Variants in SLIT2 observed in about 807,000 individuals in gnomAD.
SLIT2 encodes slit guidance ligand 2.
A neutral mutation model predicts 185.7 loss-of-function variants in SLIT2; 41 were observed. The observed-to-expected ratio is 0.22, with a 90% CI of 0.17 to 0.29. The LOEUF (loss-of-function observed/expected upper bound fraction) is 0.29. SLIT2 is among the 10% of genes least tolerant of loss of function. The pLI, the probability that SLIT2 is intolerant of heterozygous loss-of-function variation, is 1.00. For missense variants in SLIT2, 1,571 were observed against 1,909.0 expected, an observed-to-expected ratio of 0.82 and a Z score of 3.30; for synonymous variants, 693 against 680.2, an observed-to-expected ratio of 1.02 and a Z score of -0.29.
At chr4:20,329,415 T>C (rs929447520) in intron 4 of SLIT2, among the ~76,000 whole-genome samples, 3 of 152,042 alleles carry the variant, frequency 2.0e-5, no homozygotes, top group Non-Finnish European at 4.4e-5. Flanking sequence ...TCTAAATACC[T>C]CATTCTTATT....
chr4:20,430,964 C>A (rs966257686), intron 4 of SLIT2, among the ~76,000 whole-genome samples: 13 of 152,184 alleles, frequency 8.5e-5, no homozygotes, highest in Non-Finnish European at 1.6e-4. Flanking sequence ...AGAAGAAACC[C>A]AACTTTCTGT....
At chr4:20,266,867 A>G (rs1713084296) in intron 3 of SLIT2, among the ~76,000 whole-genome samples, 1 of 152,048 alleles carries the variant, frequency 6.6e-6, no homozygotes, top group Non-Finnish European at 1.5e-5. Context: ...GATGTAAGAA[A>G]GCACCATTTG....
chr4:20,354,217 C>CT (rs201437147), intron 4 of SLIT2, among the ~76,000 whole-genome samples: 8,560 of 144,074 alleles, frequency 0.059, 518 homozygotes, highest in African/African-American at 0.15. Flanking sequence ...GGTTTTTTTT[C>CT]TTTTTTTTTT....
intron 4 of SLIT2, among the ~76,000 whole-genome samples, chr4:20,356,614 C>T (rs1722343808): frequency 6.6e-6 from 1 of 152,124 alleles, no homozygotes; most frequent in Admixed American, 6.5e-5. Context: ...CTTATTTCTC[C>T]AGTATTTCTC....
intron 4 of SLIT2, among the ~76,000 whole-genome samples, chr4:20,329,992 A>G (rs1403636988): frequency 6.6e-6 from 1 of 150,674 alleles, no homozygotes; most frequent in Non-Finnish European, 1.5e-5. Context: ...ATCATTTTTT[A>G]TTTTCTTCTT....
intron 20 of SLIT2, among the ~76,000 whole-genome samples, chr4:20,542,173 C>T (rs549699093): frequency 4.8e-4 from 73 of 152,104 alleles, no homozygotes; most frequent in African/African-American, 1.4e-3. Context: ...GTTTCCGTGC[C>T]GTTTCTCTGT....
rs552842164 is a variant in SLIT2, at chr4:20,293,276, G to T, written c.395+24395G>T. ...TGTGATTAAGATCATGCCCTGGGAAGATTATGACTATGAATTGAAAGAAAC... is the reference window on the plus strand; with the variant it reads ...TGTGATTAAGATCATGCCCTGGGAATATTATGACTATGAATTGAAAGAAAC... On this transcript the variant is annotated intron_variant, in intron 4 of 36. Transcript: ENST00000504154. Among the ~76,000 whole-genome samples, 16 of 152,316 alleles carry T rather than the reference G, an allele frequency of 1.1e-4. No individual in the cohort carries two copies. The South Asian group carries it at 3.3e-3, about 32-fold the overall frequency.
chr4:20,320,628 A>G (rs544817170), intron 4 of SLIT2, among the ~76,000 whole-genome samples: 32 of 151,822 alleles, frequency 2.1e-4, no homozygotes, highest in African/African-American at 7.7e-4. Flanking sequence ...CCCTTTACTC[A>G]TCCCTGTTTT....
At chr4:20,553,194 T>C (rs977585485) in intron 25 of SLIT2, among the ~76,000 whole-genome samples, 1 of 152,186 alleles carries the variant, frequency 6.6e-6, no homozygotes, top group African/African-American at 2.4e-5. Context: ...GTATCATTAT[T>C]CCCAACCTTT....
intron 4 of SLIT2, among the ~76,000 whole-genome samples, chr4:20,282,107 G>A (rs1714833303): frequency 2.0e-5 from 3 of 152,126 alleles, no homozygotes; most frequent in African/African-American, 7.2e-5. Context: ...ATGTGACAGA[G>A]GGGTAATAAT....
intron 4 of SLIT2, among the ~76,000 whole-genome samples, chr4:20,346,611 A>C (rs1309071480): frequency 6.6e-6 from 1 of 152,214 alleles, no homozygotes; most frequent in Non-Finnish European, 1.5e-5. Context: ...ACACAGTCAC[A>C]AGGTAAAGTC....
At chr4:20,372,741 C>T (rs1232649890) in intron 4 of SLIT2, among the ~76,000 whole-genome samples, 1 of 152,060 alleles carries the variant, frequency 6.6e-6, no homozygotes, top group East Asian at 1.9e-4. Context: ...AGCCCACTCA[C>T]AGCTTCAAGC....
intron 29 of SLIT2, among the ~76,000 whole-genome samples, chr4:20,572,490 T>C (rs1004377025): frequency 6.6e-6 from 1 of 152,206 alleles, no homozygotes; most frequent in African/African-American, 2.4e-5. Context: ...CATGATCATC[T>C]TCTTTCTAAA....
chr4:20,601,455 A>C (rs1728406562), intron 33 of SLIT2, among the ~76,000 whole-genome samples: 1 of 152,228 alleles, frequency 6.6e-6, no homozygotes. Context: ...CCAAAACTGA[A>C]TTTATTTCAT....
At chr4:20,290,578 G>A (rs1167172720) in intron 4 of SLIT2, among the ~76,000 whole-genome samples, 2 of 152,118 alleles carry the variant, frequency 1.3e-5, no homozygotes, top group East Asian at 1.9e-4. Context: ...ACCAAGGGAC[G>A]ACTATATGTG....
rs533564533 is a variant in SLIT2, at chr4:20,491,403, A to G, written c.776-358A>G. ...TTTGATAAAGACCAAGCTCTATTTA[A>G]TCTTATTAGGAATGAAGATAAATTA... On this transcript the variant is annotated intron_variant, in intron 8 of 36. Transcript: ENST00000504154. Among the ~76,000 whole-genome samples the G allele has an allele frequency of 2.6e-5, 4 of 152,322 alleles. No individual in the cohort carries two copies. The South Asian group carries it at 8.3e-4, about 32-fold the overall frequency.
intron 4 of SLIT2, among the ~76,000 whole-genome samples, chr4:20,339,196 G>T (rs1260297591): frequency 1.3e-5 from 2 of 150,196 alleles, no homozygotes; most frequent in Non-Finnish European, 3.0e-5. Flanking sequence ...TTCTAGTATT[G>T]AAAAGGTAAT....
chr4:20,324,223 A>G (rs1719348997), intron 4 of SLIT2, among the ~76,000 whole-genome samples: 1 of 151,828 alleles, frequency 6.6e-6, no homozygotes, highest in African/African-American at 2.4e-5. Context: ...GCATGACACA[A>G]CCAGCTTGCT....
intron 4 of SLIT2, among the ~76,000 whole-genome samples, chr4:20,358,581 A>G (rs1268097073): frequency 6.6e-6 from 1 of 152,132 alleles, no homozygotes; most frequent in Non-Finnish European, 1.5e-5. Context: ...ATCTGTCTCT[A>G]AGGTGCTTTA....
Sources: gnomAD v4.1 joint callset for allele counts (sites outside exome capture counted in the v4.1 genomes callset) on GRCh38, gnomAD v4.1.1 for gene constraint, MANE v1.5 for transcripts, NCBI Gene and HGNC (gene_info 2026-07-23, HGNC 2026-07-21) for gene names.